Variants in CTNNA3 observed in about 807,000 individuals in gnomAD.
CTNNA3 encodes the protein catenin alpha 3.
CTNNA3 carries 76 observed loss-of-function variants against 95.7 expected under a neutral mutation model. The observed-to-expected ratio is 0.79, with a 90% confidence interval of 0.66 to 0.96. The LOEUF (loss-of-function observed/expected upper bound fraction) is 0.96, where lower values mean the gene tolerates loss of function less well. Among genes scored for constraint, CTNNA3 ranks in the 40% least tolerant of loss-of-function variants. The pLI is 0.00. For synonymous variants in CTNNA3, 431 were observed against 374.4 expected, an observed-to-expected ratio of 1.15 and a Z score of -1.74; for missense variants, 1,191 against 1,089.8, an observed-to-expected ratio of 1.09 and a Z score of -1.31.
chr10:67,462,565 AG>A (rs1847419010), intron 5 of CTNNA3, among the ~76,000 whole-genome samples: 1 of 152,228 alleles, frequency 6.6e-6, no homozygotes, highest in African/African-American at 2.4e-5. Flanking sequence ...ACAAAATCCC[AG>A]GGCAAGACTC....
chr10:67,397,739 G>A (rs1470432332), intron 5 of CTNNA3, among the ~76,000 whole-genome samples: 1 of 152,224 alleles, frequency 6.6e-6, no homozygotes, highest in East Asian at 1.9e-4. Flanking sequence ...TTCATGGGCA[G>A]AGCCCAGGGC....
intron 13 of CTNNA3, among the ~76,000 whole-genome samples, chr10:66,107,136 C>G (rs902030543): frequency 1.3e-5 from 2 of 152,172 alleles, no homozygotes; most frequent in Non-Finnish European, 2.9e-5. Context: ...CTTCTTTAAG[C>G]TGGGCTGTCT....
chr10:66,634,848 G>T (rs1049578336), intron 9 of CTNNA3, among the ~76,000 whole-genome samples: 2 of 152,068 alleles, frequency 1.3e-5, no homozygotes, highest in African/African-American at 2.4e-5. Context: ...CATCACAAAA[G>T]AAGCAATTGA....
intron 7 of CTNNA3, among the ~76,000 whole-genome samples, chr10:67,000,021 G>A (rs1851584858): frequency 6.6e-6 from 1 of 152,124 alleles, no homozygotes; most frequent in South Asian, 2.1e-4. Flanking sequence ...TTATGGGATA[G>A]CTGTTTTTCA....
intron 13 of CTNNA3, among the ~76,000 whole-genome samples, chr10:66,239,976 T>C (rs1006148557): frequency 5.9e-5 from 9 of 152,020 alleles, no homozygotes; most frequent in Non-Finnish European, 1.2e-4. Context: ...CTACATGGTA[T>C]AGATATCTAT....
chr10:67,249,642 C>G (rs183589065), intron 5 of CTNNA3, among the ~76,000 whole-genome samples: 1 of 152,186 alleles, frequency 6.6e-6, no homozygotes, highest in African/African-American at 2.4e-5. Context: ...GTGAGCCACA[C>G]ATACATTTAA....
intron 15 of CTNNA3, among the ~76,000 whole-genome samples, chr10:66,058,695 A>C (rs1363305330): frequency 6.6e-6 from 1 of 152,112 alleles, no homozygotes; most frequent in African/African-American, 2.4e-5. Context: ...GCCATGCTTA[A>C]AATGGACAGA....
At chr10:67,297,335 G>A (rs1235824868) in intron 5 of CTNNA3, among the ~76,000 whole-genome samples, 2 of 152,108 alleles carry the variant, frequency 1.3e-5, no homozygotes, top group Non-Finnish European at 2.9e-5. Context: ...CAGCCAATCA[G>A]TTTGCTAGGG....
At position 66,116,049 on chromosome 10, in the gene CTNNA3, C is replaced by T. The variant is rs569761564; in HGVS notation, c.1885-12800G>A. 3.0e-4 allele frequency among the ~76,000 whole-genome samples: 46 copies of T among 152,166 alleles called. No individual in the cohort carries two copies. In the South Asian group the frequency reaches 7.7e-3, roughly 25 times the overall value. ...ATATATAAAATAGAAAACTAGAATG[C>T]GACAAAACAAATATTTGGACAACAC... On this transcript the variant is annotated intron_variant, in intron 13 of 17. Transcript: ENST00000433211.
intron 7 of CTNNA3, among the ~76,000 whole-genome samples, chr10:67,032,526 G>C (rs1853792490): frequency 6.6e-6 from 1 of 152,128 alleles, no homozygotes; most frequent in Admixed American, 6.5e-5. Context: ...TCACAAATCA[G>C]GTAAAAATAC....
At chr10:67,235,809 C>G (rs189264164) in intron 5 of CTNNA3, among the ~76,000 whole-genome samples, 94 of 134,048 alleles carry the variant, frequency 7.0e-4, no homozygotes, top group African/African-American at 2.8e-3. Context: ...AACTCAAACA[C>G]ATTTACAAGA....
At position 66,685,321 on chromosome 10, in the gene CTNNA3, GTGTGTATATATATA is replaced by G. The variant is rs1229336752; in HGVS notation, c.1282-63551_1282-63538del. Among the ~76,000 whole-genome samples, 15 of 21,970 alleles carry G rather than the reference GTGTGTATATATATA, an allele frequency of 6.8e-4. 1 individual carries two copies. The highest frequency in any genetic ancestry group is 6.8e-3 in the South Asian group (4 of 588). The allele number at this position is 21,970 out of a possible 152,430, so 14.4% of individuals were successfully genotyped here. On this transcript the variant is annotated intron_variant, in intron 9 of 17. Transcript: ENST00000433211. The stretch of plus-strand genomic sequence containing the variant: ...TGTGTATATATATGTGTGTGTGTAT[GTGTGTATATATATA>G]TATATATATATATATATTTTTTTTT...
At chr10:66,575,494 G>A (rs1842978476) in intron 10 of CTNNA3, among the ~76,000 whole-genome samples, 1 of 152,084 alleles carries the variant, frequency 6.6e-6, no homozygotes, top group Non-Finnish European at 1.5e-5. Flanking sequence ...AATTTTTTGA[G>A]CCCTCACCAT....
intron 13 of CTNNA3, among the ~76,000 whole-genome samples, chr10:66,243,904 G>A (rs1172506823): frequency 6.6e-6 from 1 of 152,066 alleles, no homozygotes; most frequent in Non-Finnish European, 1.5e-5. Flanking sequence ...CTGGCTTCAG[G>A]TACTAGCTCA....
intron 14 of CTNNA3, among the ~76,000 whole-genome samples, chr10:66,084,324 C>T (rs946010820): frequency 6.6e-6 from 1 of 151,778 alleles, no homozygotes; most frequent in Non-Finnish European, 1.5e-5. Context: ...TGTTGCATGC[C>T]ATTATCAAAA....
At chr10:66,836,876 C>G (rs745900492) in intron 7 of CTNNA3, among the ~76,000 whole-genome samples, 1 of 151,994 alleles carries the variant, frequency 6.6e-6, no homozygotes, top group Non-Finnish European at 1.5e-5. Flanking sequence ...ATCATGACAT[C>G]TTCCTTACCC....
At chr10:66,694,271 A>G (rs1232453080) in intron 9 of CTNNA3, among the ~76,000 whole-genome samples, 1 of 152,184 alleles carries the variant, frequency 6.6e-6, no homozygotes. Flanking sequence ...AAAAAATGAT[A>G]AAGGGGATAT....
intron 10 of CTNNA3, among the ~76,000 whole-genome samples, chr10:66,590,939 G>T (rs542983110): frequency 1.3e-5 from 2 of 152,226 alleles, no homozygotes; most frequent in South Asian, 4.1e-4. Flanking sequence ...TAAACACAGG[G>T]ACTTAGTTTT....
intron 7 of CTNNA3, among the ~76,000 whole-genome samples, chr10:67,039,380 A>G (rs543601200): frequency 6.6e-6 from 1 of 152,276 alleles, no homozygotes; most frequent in Non-Finnish European, 1.5e-5. Context: ...TTCCCTGTGC[A>G]GCAGAAAAAG....
Sources: allele counts gnomAD v4.1 joint callset (sites outside exome capture counted in the v4.1 genomes callset), GRCh38; gene constraint gnomAD v4.1.1; transcripts MANE v1.5; gene names NCBI Gene and HGNC (gene_info 2026-07-23, HGNC 2026-07-21).